GABRG3: variants seen among roughly 807,000 people sequenced by gnomAD.
The protein encoded by GABRG3 is gamma-aminobutyric acid type A receptor subunit gamma3.
Under a neutral mutation model 48.8 loss-of-function variants are expected in GABRG3, and 25 were observed. The observed-to-expected ratio is 0.51, with a 90% CI of 0.37 to 0.72. The LOEUF is 0.72. Among genes scored for constraint, GABRG3 ranks in the 30% least tolerant of loss-of-function variants. GABRG3 has a pLI of 0.00. For synonymous variants in GABRG3, 227 were observed against 217.6 expected, an observed-to-expected ratio of 1.04 and a Z score of -0.38; for missense variants, 394 against 577.9, an observed-to-expected ratio of 0.68 and a Z score of 3.26.
intron 3 of GABRG3, among the ~76,000 whole-genome samples, chr15:27,242,806 G>T (rs1890165944): frequency 6.6e-6 from 1 of 152,196 alleles, no homozygotes; most frequent in South Asian, 2.1e-4. Flanking sequence ...TTTGCTGTTT[G>T]TTAACTATGA....
At chr15:27,188,275 TAG>T (rs1888167006) in intron 3 of GABRG3, among the ~76,000 whole-genome samples, 2 of 152,304 alleles carry the variant, frequency 1.3e-5, no homozygotes, top group South Asian at 4.1e-4. Flanking sequence ...ATGGTATTTC[TAG>T]TTCTAGATCC....
At chr15:27,523,858 AG>A (rs1396426100) in intron 7 of GABRG3, among the ~76,000 whole-genome samples, 1 of 152,022 alleles carries the variant, frequency 6.6e-6, no homozygotes, top group African/African-American at 2.4e-5. Context: ...TAATCAACTG[AG>A]TTTAGGGATA....
chr15:27,074,491 G>C (rs1174284008), intron 3 of GABRG3, among the ~76,000 whole-genome samples: 2 of 151,800 alleles, frequency 1.3e-5, no homozygotes, highest in Non-Finnish European at 2.9e-5. Context: ...TGGCTTGGCT[G>C]GGCCCTGTGC....
chr15:27,199,863 CT>C (rs892136667), intron 3 of GABRG3, among the ~76,000 whole-genome samples: 5 of 151,086 alleles, frequency 3.3e-5, no homozygotes, highest in Admixed American at 6.6e-5. Context: ...TTTGTTTTGT[CT>C]TTTTTTTTCT....
chr15:27,256,416 G>A (rs1483639847), intron 3 of GABRG3, among the ~76,000 whole-genome samples: 4 of 150,352 alleles, frequency 2.7e-5, no homozygotes, highest in Non-Finnish European at 5.9e-5. Flanking sequence ...ACTCCAGCCT[G>A]GGCGACAGAG....
chr15:27,116,546 C>T (rs572852459), intron 3 of GABRG3, among the ~76,000 whole-genome samples: 1 of 152,184 alleles, frequency 6.6e-6, no homozygotes, highest in East Asian at 1.9e-4. Flanking sequence ...ATGACAACTA[C>T]TTTTATACTA....
chr15:27,326,652 A>G (rs1409588220), intron 3 of GABRG3, among the ~76,000 whole-genome samples, 157 bp from the exon 4 acceptor site: 1 of 152,222 alleles, frequency 6.6e-6, no homozygotes, highest in African/African-American at 2.4e-5. Context: ...GTCATCATTC[A>G]CTGAGTGCTT....
chr15:27,104,450 ATTGG>A (rs1216993483), intron 3 of GABRG3, among the ~76,000 whole-genome samples: 5 of 152,212 alleles, frequency 3.3e-5, no homozygotes, highest in South Asian at 2.1e-4. Flanking sequence ...GTGTTTGTTT[ATTGG>A]TTGGTTTGTT....
At chr15:27,204,059 A>G (rs971231929) in intron 3 of GABRG3, among the ~76,000 whole-genome samples, 21 of 151,958 alleles carry the variant, frequency 1.4e-4, no homozygotes, top group African/African-American at 4.6e-4. Context: ...AGTTTAATTA[A>G]GTCTCACTTG....
chr15:27,201,180 G>C (rs537717664), intron 3 of GABRG3, among the ~76,000 whole-genome samples: 47 of 152,090 alleles, frequency 3.1e-4, no homozygotes, highest in African/African-American at 1.0e-3. Context: ...TGAGTTCTGG[G>C]AGTGTGCTGA....
chr15:27,022,916 G>A (rs1315763154), intron 2 of GABRG3, among the ~76,000 whole-genome samples: 1 of 152,200 alleles, frequency 6.6e-6, no homozygotes, highest in Non-Finnish European at 1.5e-5. Context: ...AGAAAAGGCA[G>A]CCCATGTACT....
chr15:27,376,507 A>T (rs906189178), intron 5 of GABRG3, among the ~76,000 whole-genome samples: 10 of 152,206 alleles, frequency 6.6e-5, no homozygotes, highest in Admixed American at 6.5e-4. Context: ...GTGTTTCCAT[A>T]GCTCTTCTAA....
chr15:27,032,510 G>A (rs981536797), intron 3 of GABRG3, among the ~76,000 whole-genome samples: 6 of 152,198 alleles, frequency 3.9e-5, no homozygotes, highest in Non-Finnish European at 7.3e-5. Flanking sequence ...AGAGCCTCAG[G>A]AAGCTTCCAA....
rs545675931 is a variant in GABRG3 at position 27,099,435 on chromosome 15, CCT to C, written c.270+72615_270+72616del. 3.9e-5 allele frequency among the ~76,000 whole-genome samples: 6 copies of C among 152,168 alleles called. No individual in the cohort carries two copies. The South Asian group carries it at 6.2e-4, about 16-fold the overall frequency. ...CTTCCTGTGTCTTCGCATGGTTTCC[CCT>C]GTTTGTTTGTGCCTGTGTTCAAGTT... On this transcript the variant is annotated intron_variant, in intron 3 of 9. Coordinates refer to ENST00000615808, the MANE Select transcript of GABRG3 (RefSeq NM_033223.5).
intron 3 of GABRG3, among the ~76,000 whole-genome samples, chr15:27,219,447 C>G (rs143013384): frequency 2.6e-5 from 4 of 152,322 alleles, no homozygotes; most frequent in African/African-American, 4.8e-5. Flanking sequence ...GAGACACATT[C>G]TGTGGGTCTG....
chr15:27,058,505 T>C (rs1203464976), intron 3 of GABRG3, among the ~76,000 whole-genome samples: 1 of 152,230 alleles, frequency 6.6e-6, no homozygotes, highest in Admixed American at 6.5e-5. Context: ...GAGCTATTTC[T>C]TGCTCAACCA....
intron 6 of GABRG3, among the ~76,000 whole-genome samples, chr15:27,510,568 A>G (rs1890873096): frequency 6.6e-6 from 1 of 152,138 alleles, no homozygotes; most frequent in African/African-American, 2.4e-5. Context: ...CTTTCTCAGG[A>G]TTCTCCTTTA....
intron 3 of GABRG3, among the ~76,000 whole-genome samples, chr15:27,089,269 T>C (rs911952728): frequency 2.6e-5 from 4 of 152,046 alleles, no homozygotes; most frequent in African/African-American, 9.7e-5. Context: ...CGACATTCCC[T>C]TGGATTGGAG....
intron 3 of GABRG3, among the ~76,000 whole-genome samples, chr15:27,137,100 T>A (rs992997217): frequency 6.6e-5 from 10 of 152,244 alleles, no homozygotes; most frequent in African/African-American, 2.2e-4. Flanking sequence ...ATCTTAATGC[T>A]CTGGGCCTTT....
Sources: gnomAD v4.1 joint callset for allele counts (sites outside exome capture counted in the v4.1 genomes callset) on GRCh38, gnomAD v4.1.1 for gene constraint, MANE v1.5 for transcripts, NCBI Gene and HGNC (gene_info 2026-07-23, HGNC 2026-07-21) for gene names.